The following SV2C variants were observed in gnomAD, a reference collection of about 807,000 sequenced individuals.
The protein encoded by SV2C is synaptic vesicle glycoprotein 2C.
In SV2C, 49 loss-of-function variants were observed where a neutral mutation model predicts 79.7. The observed-to-expected ratio is 0.61, with a 90% CI of 0.49 to 0.78. SV2C has a LOEUF of 0.78. Among genes scored for constraint, SV2C ranks in the 30% least tolerant of loss-of-function variants. The pLI, the probability that SV2C is intolerant of heterozygous loss-of-function variation, is 0.00. For missense variants in SV2C, 833 were observed against 912.9 expected, an observed-to-expected ratio of 0.91 and a Z score of 1.13; for synonymous variants, 334 against 333.2, an observed-to-expected ratio of 1.00 and a Z score of -0.03.
the SV2C span, among the ~76,000 whole-genome samples, chr5:75,935,676 G>A: frequency 1.3e-5 from 2 of 152,076 alleles, no homozygotes; most frequent in Non-Finnish European, 2.9e-5. Context: ...AGTTGCGAAC[G>A]AATAAATATA....
the SV2C span, among the ~76,000 whole-genome samples, chr5:75,916,443 TCTC>T: frequency 2.3e-5 from 3 of 132,006 alleles, no homozygotes; most frequent in East Asian, 2.6e-4. Flanking sequence ...CCCCTTCTCC[TCTC>T]CTCCTCCTCC....
At chr5:75,852,710 C>T in the SV2C span, among the ~76,000 whole-genome samples, 2 of 151,526 alleles carry the variant, frequency 1.3e-5, no homozygotes, top group African/African-American at 2.4e-5. Flanking sequence ...CCTGTAGTCC[C>T]AGCTACTTGG....
At chr5:76,146,673 G>A (rs540882712) in intron 2 of SV2C, among the ~76,000 whole-genome samples, 2 of 151,884 alleles carry the variant, frequency 1.3e-5, no homozygotes, top group East Asian at 3.9e-4. Flanking sequence ...CAGCCCAGTA[G>A]GTCTCAGCCT....
In SV2C at chr5:76,100,948, C is replaced by T. The variant is rs114934052; in HGVS notation, c.-102+17436C>T. 7.6e-3 allele frequency among the ~76,000 whole-genome samples: 1,163 copies of T among 152,312 alleles called. 20 individuals carry two copies. Among genetic ancestry groups the T allele is most frequent in the African/African-American group, 0.026 (1,093 of 41,570 alleles). ...AAAAATGTTTCCAAATATTTCCACA[C>T]GTCCCCAAGGCTGGGGGTTGGGGGG... On this transcript the variant is annotated intron_variant, in intron 1 of 12. Coordinates refer to ENST00000502798, the MANE Select transcript of SV2C (RefSeq NM_014979.4).
chr5:76,031,309 C>A, the SV2C span, among the ~76,000 whole-genome samples: 1 of 152,214 alleles, frequency 6.6e-6, no homozygotes, highest in African/African-American at 2.4e-5. Flanking sequence ...ATGATATGCA[C>A]TCAGAGGGTC....
At chr5:75,947,547 A>G in the SV2C span, among the ~76,000 whole-genome samples, 2 of 151,908 alleles carry the variant, frequency 1.3e-5, no homozygotes, top group African/African-American at 4.8e-5. Flanking sequence ...GCTTTGCTGG[A>G]TATGAGTGTG....
chr5:76,138,873 CTT>C (rs919637146), intron 2 of SV2C, among the ~76,000 whole-genome samples: 1 of 152,216 alleles, frequency 6.6e-6, no homozygotes, highest in African/African-American at 2.4e-5. Flanking sequence ...AATCCCAGCA[CTT>C]TGGGAGGCTG....
chr5:76,160,495 A>G lies in SV2C; in HGVS notation c.580+28165A>G, dbSNP rs150302910. ...GTAGGAAAAATATTATTCGCAAAGG[A>G]TTCTTAAATATGACACCCAAATGCA... is the stretch of plus-strand genomic sequence containing the variant. On this transcript the variant is annotated intron_variant, in intron 2 of 12. Transcript: ENST00000502798. 1.5e-3 allele frequency among the ~76,000 whole-genome samples: 222 copies of G among 152,324 alleles called. 1 individual carries two copies. Among genetic ancestry groups the G allele is most frequent in the African/African-American group, 5.3e-3 (220 of 41,586 alleles).
chr5:76,273,148 T>G (rs1029109424), intron 4 of SV2C, among the ~76,000 whole-genome samples: 1 of 131,522 alleles, frequency 7.6e-6, no homozygotes, highest in African/African-American at 3.0e-5. Context: ...ACAAAAAAGA[T>G]ATATATATAT....
intron 1 of SV2C, among the ~76,000 whole-genome samples, chr5:76,101,831 A>G (rs1024637147): frequency 3.3e-5 from 5 of 152,160 alleles, no homozygotes; most frequent in Non-Finnish European, 5.9e-5. Context: ...TGGTAAATTT[A>G]TTCATTGGAG....
intron 12 of SV2C, among the ~76,000 whole-genome samples, chr5:76,343,015 C>T (rs912005774): frequency 3.9e-5 from 6 of 152,068 alleles, no homozygotes; most frequent in African/African-American, 1.4e-4. Context: ...TGAGGCACCG[C>T]ACCTGGCCCA....
In SV2C at chr5:76,325,489, T is replaced by C. The variant is rs761091930; in HGVS notation, c.2126T>C (p.Val709Ala). ...ATCCTGCTGGCTTCTACTGTGCTCGTGTGTGGAGGACTCGTTGGGCTGTGC... is the reference window on the plus strand; with the variant it reads ...ATCCTGCTGGCTTCTACTGTGCTCGCGTGTGGAGGACTCGTTGGGCTGTGC... Reference protein sequence around the residue: ...IPILLASTVLVCGGLVGLCLP... With the variant: ...IPILLASTVLACGGLVGLCLP... The change falls in exon 13 of 13, where the codon GTG (valine) becomes GCG (alanine). Residue 709 changes from valine to alanine, a missense_variant. Val to Ala is a moderately conservative substitution (Grantham distance 64). Transcript: ENST00000502798. 1.4e-5 allele frequency: 22 copies of C among 1,614,106 alleles called. No homozygotes were observed. Among genetic ancestry groups the C allele is most frequent in the South Asian group, 3.3e-5 (3 of 91,088 alleles).
intron 1 of SV2C, among the ~76,000 whole-genome samples, chr5:76,128,257 T>A (rs879137848): frequency 1.3e-5 from 2 of 152,212 alleles, no homozygotes; most frequent in Non-Finnish European, 2.9e-5. Flanking sequence ...ACAGCCACCA[T>A]CCTAGGGTAG....
chr5:75,933,185 C>A, the SV2C span, among the ~76,000 whole-genome samples: 1 of 152,172 alleles, frequency 6.6e-6, no homozygotes, highest in African/African-American at 2.4e-5. Context: ...CCTAACCCTA[C>A]CCCCGCATCA....
At chr5:75,971,503 A>T in the SV2C span, among the ~76,000 whole-genome samples, 1 of 152,086 alleles carries the variant, frequency 6.6e-6, no homozygotes, top group African/African-American at 2.4e-5. Context: ...CAATGTGCAA[A>T]AATCACAAGC....
chr5:76,153,723 TTTC>T (rs1295055765), intron 2 of SV2C, among the ~76,000 whole-genome samples: 12 of 152,162 alleles, frequency 7.9e-5, no homozygotes, highest in Non-Finnish European at 1.8e-4. Flanking sequence ...ACCTTAGACT[TTTC>T]TGATGATTTG....
the SV2C span, among the ~76,000 whole-genome samples, chr5:75,979,593 A>G: frequency 6.6e-6 from 1 of 151,748 alleles, no homozygotes; most frequent in African/African-American, 2.4e-5. Flanking sequence ...CCTTACAATT[A>G]CATGGGAACT....
At chr5:75,989,620 A>G in the SV2C span, among the ~76,000 whole-genome samples, 1 of 151,970 alleles carries the variant, frequency 6.6e-6, no homozygotes, top group Non-Finnish European at 1.5e-5. Flanking sequence ...TTATAGTAGA[A>G]TGATTTCTAT....
the SV2C span, among the ~76,000 whole-genome samples, chr5:75,936,312 C>T: frequency 6.6e-6 from 1 of 152,142 alleles, no homozygotes; most frequent in Non-Finnish European, 1.5e-5. Context: ...TTTAATCATC[C>T]TTGGGTCTAT....
Sources: gnomAD v4.1 joint callset for allele counts (sites outside exome capture counted in the v4.1 genomes callset) on GRCh38, gnomAD v4.1.1 for gene constraint, MANE v1.5 for transcripts, NCBI Gene and HGNC (gene_info 2026-07-23, HGNC 2026-07-21) for gene names.